TENM3: variants seen among roughly 807,000 people sequenced by gnomAD.
The protein encoded by TENM3 is teneurin-3.
A neutral mutation model predicts 255.1 loss-of-function variants in TENM3; 63 were observed. The observed-to-expected ratio is 0.25, with a 90% CI of 0.20 to 0.30. The LOEUF (loss-of-function observed/expected upper bound fraction) is 0.30, where lower values mean the gene tolerates loss of function less well. TENM3 is among the 10% of genes least tolerant of loss of function. The pLI is 1.00. For missense variants in TENM3, 2,929 were observed against 3,461.1 expected (o/e 0.85, Z 3.86); for synonymous variants, 1,306 against 1,322.3 (o/e 0.99, Z 0.27).
chr4:182,094,250 C>CA, the TENM3 span, among the ~76,000 whole-genome samples: 1 of 145,924 alleles, frequency 6.9e-6, no homozygotes, highest in African/African-American at 2.5e-5. Flanking sequence ...TCATTCTTTA[C>CA]TTTTTTTTTT....
intron 3 of TENM3, among the ~76,000 whole-genome samples, chr4:182,358,656 G>A (rs1297834093): frequency 2.7e-5 from 4 of 150,274 alleles, no homozygotes; most frequent in South Asian, 4.3e-4. Flanking sequence ...CAATCATGTC[G>A]TCTGCAAACA....
At chr4:182,456,098 T>A in intron 3 of TENM3, among the ~76,000 whole-genome samples, 1 of 152,184 alleles carries the variant, frequency 6.6e-6, no homozygotes, top group African/African-American at 2.4e-5. Flanking sequence ...ATTGGATGAG[T>A]ACACTAAATA....
upstream of TENM3, among the ~76,000 whole-genome samples, chr4:182,140,991 C>G (rs1028239004): frequency 4.5e-5 from 3 of 66,380 alleles, no homozygotes; most frequent in Non-Finnish European, 6.8e-5. Context: ...TTATATCCCT[C>G]CCCCCCGCCC....
intron 1 of TENM3, among the ~76,000 whole-genome samples, chr4:182,209,904 G>A (rs1220926243): frequency 2.6e-5 from 4 of 151,946 alleles, no homozygotes; most frequent in Admixed American, 2.6e-4. Flanking sequence ...GGGGAGGTGG[G>A]GTAGAATTAA....
chr4:182,303,633 T>C (rs1276717625), intron 1 of TENM3, among the ~76,000 whole-genome samples: 2 of 151,650 alleles, frequency 1.3e-5, no homozygotes, highest in East Asian at 3.9e-4. Flanking sequence ...ATGACCTTGG[T>C]GGGGGGGGTG....
chr4:181,622,392 T>C, the TENM3 span, among the ~76,000 whole-genome samples: 6 of 152,260 alleles, frequency 3.9e-5, no homozygotes, highest in East Asian at 9.7e-4. Context: ...ATACTATAAC[T>C]AGGCCAGGCA....
At chr4:182,764,636 G>A (rs1326197700) in intron 22 of TENM3, among the ~76,000 whole-genome samples, 2 of 152,188 alleles carry the variant, frequency 1.3e-5, no homozygotes, top group Non-Finnish European at 2.9e-5. Flanking sequence ...GGAGCAGAAC[G>A]TGGCAGGCTT....
At chr4:181,605,483 AAAG>A in the TENM3 span, among the ~76,000 whole-genome samples, 1 of 7,016 alleles carries the variant, frequency 1.4e-4, no homozygotes, top group Non-Finnish European at 2.9e-4. Flanking sequence ...AGAAACAGAG[AAAG>A]AAAGAAAGAA....
At chr4:182,163,426 G>T (rs1751492984) in intron 1 of TENM3, among the ~76,000 whole-genome samples, 1 of 152,122 alleles carries the variant, frequency 6.6e-6, no homozygotes, top group Admixed American at 6.5e-5. Context: ...CACACAAGGG[G>T]ATTTAGTTAG....
chr4:182,240,555 A>G (rs959573263), upstream of TENM3, among the ~76,000 whole-genome samples: 1 of 152,116 alleles, frequency 6.6e-6, no homozygotes, highest in Non-Finnish European at 1.5e-5. Flanking sequence ...CAGCATGCTG[A>G]TCTCAGAGTG....
intron 3 of TENM3, among the ~76,000 whole-genome samples, chr4:182,478,093 G>C (rs1357013493): frequency 6.6e-6 from 1 of 151,934 alleles, no homozygotes; most frequent in East Asian, 1.9e-4. Flanking sequence ...TGTTTCTGTG[G>C]AACTTAAACA....
At chr4:181,799,763 A>T in the TENM3 span, among the ~76,000 whole-genome samples, 1 of 152,326 alleles carries the variant, frequency 6.6e-6, no homozygotes, top group South Asian at 2.1e-4. Flanking sequence ...AGGTTATTAA[A>T]TTATACTGTA....
At chr4:182,374,597 C>A (rs1401197038) in intron 3 of TENM3, among the ~76,000 whole-genome samples, 1 of 152,152 alleles carries the variant, frequency 6.6e-6, no homozygotes, top group Non-Finnish European at 1.5e-5. Context: ...GTTCATTAGC[C>A]TTGTCTTTCT....
Position 182,254,703 on chromosome 4 carries a change from G to C in TENM3, c.-76+11227G>C, listed in dbSNP as rs187867591. On this transcript the variant is annotated intron_variant, in intron 1 of 27. Transcript: ENST00000511685. Reference sequence around the variant, plus strand: ...GTGTGAGAAGTCTTTTATTTCTTTGGTCATAACCTATTATTTTCTTGAACT... The same window carrying C: ...GTGTGAGAAGTCTTTTATTTCTTTGCTCATAACCTATTATTTTCTTGAACT... Among the ~76,000 whole-genome samples, 11 of 152,152 alleles carry C rather than the reference G, an allele frequency of 7.2e-5. No homozygotes were observed. In the East Asian group the frequency reaches 2.1e-3, roughly 29 times the overall value.
rs1758403006 is a variant in TENM3 at position 182,256,443 on chromosome 4, C to T, written c.-76+12967C>T. Among the ~76,000 whole-genome samples the T allele has an allele frequency of 2.0e-5, 3 of 152,164 alleles. No homozygotes were observed. The South Asian group carries it at 6.2e-4, about 31-fold the overall frequency. On this transcript the variant is annotated intron_variant, in intron 1 of 27. Coordinates refer to ENST00000511685, the MANE Select transcript of TENM3 (RefSeq NM_001080477.4). ...CCATCCCACTGACTATATATATAAG[C>T]AGTTAATTTTTTTGAGTGTACATTT...
chr4:182,536,605 G>A (rs1237007661), intron 3 of TENM3, among the ~76,000 whole-genome samples: 8 of 152,142 alleles, frequency 5.3e-5, no homozygotes, highest in Admixed American at 1.3e-4. Flanking sequence ...AAAGAAATAA[G>A]CAGATGTGAC....
At chr4:182,352,178 A>T (rs186620392) in intron 3 of TENM3, among the ~76,000 whole-genome samples, 12 of 150,890 alleles carry the variant, frequency 8.0e-5, no homozygotes, top group African/African-American at 2.7e-4. Flanking sequence ...AGGAGAACTC[A>T]CGGTGTCTTC....
upstream of TENM3, chr4:182,143,233 G>T (rs758719763): frequency 6.0e-6 from 1 of 167,214 alleles, no homozygotes; most frequent in Non-Finnish European, 1.5e-5. The surrounding 1 kb of genome is among the most constrained non-coding windows in gnomAD (Gnocchi z 4.3). Context: ...GGTGATGCGG[G>T]GCGGAGGCCT....
chr4:182,775,406 AG>A (rs1402734760), intron 24 of TENM3, among the ~76,000 whole-genome samples: 4 of 152,218 alleles, frequency 2.6e-5, no homozygotes, highest in Non-Finnish European at 5.9e-5. Context: ...TCAGGAGTGA[AG>A]GTAAAGCCAT....
Sources: allele counts gnomAD v4.1 joint callset (sites outside exome capture counted in the v4.1 genomes callset), GRCh38; gene constraint gnomAD v4.1.1; non-coding constraint Gnocchi (gnomAD v3.1); transcripts MANE v1.5; gene names NCBI Gene and HGNC (gene_info 2026-07-23, HGNC 2026-07-21).